Variants in TNFRSF13B observed in about 807,000 individuals in gnomAD.
The protein encoded by TNFRSF13B is TNF receptor superfamily member 13B.
TNFRSF13B carries 34 observed loss-of-function variants against 24.0 expected under a neutral mutation model. The observed-to-expected ratio is 1.41, with a 90% CI of 1.08 to 1.88. The LOEUF (loss-of-function observed/expected upper bound fraction) is 1.88. TNFRSF13B is among the 40% of genes most tolerant of loss of function. The pLI is 0.00. For missense variants in TNFRSF13B, 415 were observed against 380.8 expected, an observed-to-expected ratio of 1.09 and a Z score of -0.75; for synonymous variants, 173 against 150.3, an observed-to-expected ratio of 1.15 and a Z score of -1.10.
At chr17:16,957,387 C>T (rs753726309) in intron 1 of TNFRSF13B, among the ~76,000 whole-genome samples, 10 of 151,716 alleles carry the variant, frequency 6.6e-5, no homozygotes, top group Non-Finnish European at 1.5e-4. Context: ...CTAATGTATG[C>T]TCATAGAAGT....
At chr17:16,966,819 G>GT (rs1395115965) in intron 1 of TNFRSF13B, among the ~76,000 whole-genome samples, 2 of 125,918 alleles carry the variant, frequency 1.6e-5, no homozygotes, top group Admixed American at 1.6e-4. Flanking sequence ...GGTTTTTTTT[G>GT]TTTTTTCTTT....
intron 1 of TNFRSF13B, among the ~76,000 whole-genome samples, chr17:16,954,450 A>G (rs2087611598): frequency 6.6e-6 from 1 of 152,230 alleles, no homozygotes; most frequent in African/African-American, 2.4e-5. Flanking sequence ...ACAGGGGTTT[A>G]TCTTCCTTCC....
At chr17:16,958,754 C>T (rs377421844) in intron 1 of TNFRSF13B, among the ~76,000 whole-genome samples, 15 of 151,984 alleles carry the variant, frequency 9.9e-5, no homozygotes, top group African/African-American at 3.6e-4. Context: ...GGGGATACAG[C>T]ATAAAGATGT....
At chr17:16,943,593 C>T (rs1007055246) in intron 3 of TNFRSF13B, among the ~76,000 whole-genome samples, 1 of 152,156 alleles carries the variant, frequency 6.6e-6, no homozygotes, top group African/African-American at 2.4e-5. Flanking sequence ...CTCCCCACAG[C>T]CCTGCTCTGA....
At chr17:16,952,407 T>C in intron 2 of TNFRSF13B, 39 bp downstream of exon 2, 4 of 1,613,084 alleles carry the variant, frequency 2.5e-6, no homozygotes, top group Non-Finnish European at 3.4e-6. Flanking sequence ...AGGAGGAGGG[T>C]GATCACACTG....
intron 1 of TNFRSF13B, among the ~76,000 whole-genome samples, chr17:16,965,068 A>C (rs2087690112): frequency 6.6e-6 from 1 of 152,104 alleles, no homozygotes; most frequent in South Asian, 2.1e-4. Context: ...TCATTTTATA[A>C]TAATTTATAA....
chr17:16,940,417 C>A lies in TNFRSF13B; in HGVS notation c.540G>T (p.Val180=). The change falls in exon 4 of 5, where the codon GTG becomes GTT. Residue 180 remains valine (V), a synonymous_variant. Coordinates refer to ENST00000261652, the MANE Select transcript of TNFRSF13B (RefSeq NM_012452.3). The stretch of plus-strand genomic sequence containing the variant: ...TCTTCTTGAGGAAGCAGGCCACCGC[C>A]ACCAGGAAGCAGCAGAGGACGGCAC... The part of the protein sequence containing the change: ...CLCAVLCCFL[V]AVACFLKKRG... 6.2e-7 allele frequency: 1 copy of A among 1,614,102 alleles called. No homozygotes were observed. Among genetic ancestry groups the A allele is most frequent in the Non-Finnish European group, 8.5e-7 (1 of 1,180,034 alleles).
intron 1 of TNFRSF13B, among the ~76,000 whole-genome samples, chr17:16,969,021 T>C (rs1199237674): frequency 6.6e-6 from 1 of 152,228 alleles, no homozygotes; most frequent in Admixed American, 6.5e-5. Context: ...CCCCTTGGGA[T>C]GGCTAGAATG....
chr17:16,957,822 A>T (rs1183487817), intron 1 of TNFRSF13B, among the ~76,000 whole-genome samples: 1 of 152,240 alleles, frequency 6.6e-6, no homozygotes, highest in Non-Finnish European at 1.5e-5. Flanking sequence ...GCAGTGCATT[A>T]TCAGTAAACT....
chr17:16,963,240 G>A (rs538684324), intron 1 of TNFRSF13B, among the ~76,000 whole-genome samples: 2 of 152,192 alleles, frequency 1.3e-5, no homozygotes, highest in Non-Finnish European at 2.9e-5. Flanking sequence ...CTGAGCTGCT[G>A]CCCTTATTAA....
chr17:16,945,863 C>T (rs1425945458), intron 3 of TNFRSF13B, among the ~76,000 whole-genome samples: 4 of 152,202 alleles, frequency 2.6e-5, no homozygotes, highest in African/African-American at 9.7e-5. Flanking sequence ...CCTGAATCCG[C>T]TGGCACTGTG....
At chr17:16,949,161 G>A (rs1033564723) in intron 2 of TNFRSF13B, among the ~76,000 whole-genome samples, 178 bp from the exon 3 acceptor site, 1 of 152,120 alleles carries the variant, frequency 6.6e-6, no homozygotes, top group Non-Finnish European at 1.5e-5. Flanking sequence ...TGTCCTCTAA[G>A]TACTATTTTA....
chr17:16,952,821 C>T (rs921915098), intron 1 of TNFRSF13B, among the ~76,000 whole-genome samples: 1 of 152,194 alleles, frequency 6.6e-6, no homozygotes, highest in Non-Finnish European at 1.5e-5. Context: ...GTTTTCAGGC[C>T]CCCTGCTCTC....
intron 3 of TNFRSF13B, among the ~76,000 whole-genome samples, chr17:16,944,296 G>A (rs1413851364): frequency 2.6e-5 from 4 of 152,160 alleles, no homozygotes; most frequent in African/African-American, 4.8e-5. Flanking sequence ...TGTCTCCACC[G>A]TGTGGCTTCA....
chr17:16,940,304 G>A, intron 4 of TNFRSF13B, 22 bp downstream of exon 4: 1 of 1,612,358 alleles, frequency 6.2e-7, no homozygotes, highest in African/African-American at 1.3e-5. Context: ...GAAGGGCGAG[G>A]ACCCCAGTTT....
At chr17:16,968,036 G>T (rs1207529588) in intron 1 of TNFRSF13B, among the ~76,000 whole-genome samples, 1 of 150,464 alleles carries the variant, frequency 6.6e-6, no homozygotes, top group Non-Finnish European at 1.5e-5. Flanking sequence ...AGCTACTCGG[G>T]ATGCTGAGGC....
chr17:16,943,565 C>T (rs142488337), intron 3 of TNFRSF13B, among the ~76,000 whole-genome samples: 11 of 152,294 alleles, frequency 7.2e-5, no homozygotes, highest in Non-Finnish European at 1.5e-4. Context: ...CGCCACCATC[C>T]AGGGGCAACA....
At position 16,947,897 on chromosome 17, in the gene TNFRSF13B, C is replaced by A. The variant is rs531300838; in HGVS notation, c.445+841G>T. On this transcript the variant is annotated intron_variant, in intron 3 of 4. Coordinates refer to ENST00000261652, the MANE Select transcript of TNFRSF13B (RefSeq NM_012452.3). ...GTTCTACCAAAAAGATACATACACA[C>A]GTATGTTCATCACAGCACAATTCAC... is the stretch of plus-strand genomic sequence containing the variant. 1.2e-3 allele frequency among the ~76,000 whole-genome samples: 190 copies of A among 152,302 alleles called. 7 individuals carry two copies. In the South Asian group the frequency reaches 0.034, roughly 28 times the overall value.
chr17:16,951,994 TGGTGATG>T (rs1307323210), intron 2 of TNFRSF13B, among the ~76,000 whole-genome samples: 1 of 152,222 alleles, frequency 6.6e-6, no homozygotes, highest in Admixed American at 6.5e-5. Context: ...TTTGTGAAGC[TGGTGATG>T]GGTGCAGAGG....
Sources: gnomAD v4.1 joint callset for allele counts (sites outside exome capture counted in the v4.1 genomes callset) on GRCh38, gnomAD v4.1.1 for gene constraint, MANE v1.5 for transcripts, NCBI Gene and HGNC (gene_info 2026-07-23, HGNC 2026-07-21) for gene names.